The following DLGAP2 variants were observed in gnomAD, a reference collection of about 807,000 sequenced individuals.
The protein encoded by DLGAP2 is DLG associated protein 2.
Under a neutral mutation model 100.3 loss-of-function variants are expected in DLGAP2, and 26 were observed. The observed-to-expected ratio is 0.26, with a 90% CI of 0.19 to 0.36. The LOEUF is 0.36. Among genes scored for constraint, DLGAP2 ranks in the 10% least tolerant of loss-of-function variants. The pLI, the probability that DLGAP2 is intolerant of heterozygous loss-of-function variation, is 1.00. For missense variants in DLGAP2, 1,858 were observed against 1,453.2 expected (o/e 1.28, Z -4.53); for synonymous variants, 886 against 630.1 (o/e 1.41, Z -6.08).
intron 2 of DLGAP2, among the ~76,000 whole-genome samples, chr8:1,082,499 C>G (rs911176260): frequency 1.3e-5 from 2 of 152,288 alleles, no homozygotes; most frequent in Admixed American, 6.5e-5. Context: ...TGATAGCAAA[C>G]TCATGCACAA....
intron 2 of DLGAP2, among the ~76,000 whole-genome samples, chr8:1,222,116 G>A (rs78464296): frequency 0.016 from 2,469 of 152,230 alleles, 79 homozygotes; most frequent in African/African-American, 0.057. Context: ...AAACATTGCC[G>A]GGGAGCTAGA....
intron 1 of DLGAP2, among the ~76,000 whole-genome samples, chr8:886,953 A>G (rs1013572221): frequency 2.0e-5 from 3 of 152,158 alleles, no homozygotes; most frequent in African/African-American, 7.2e-5. Flanking sequence ...GATCTGTCTA[A>G]CACTGACAGT....
intron 5 of DLGAP2, among the ~76,000 whole-genome samples, chr8:1,565,054 C>G (rs371924005): frequency 6.6e-6 from 1 of 152,116 alleles, no homozygotes; most frequent in Non-Finnish European, 1.5e-5. Flanking sequence ...GTGATCAGCT[C>G]TGTACCACCC....
At chr8:1,266,615 T>C (rs1263938980) in intron 3 of DLGAP2, among the ~76,000 whole-genome samples, 1 of 152,168 alleles carries the variant, frequency 6.6e-6, no homozygotes, top group African/African-American at 2.4e-5. Flanking sequence ...TAACCACATA[T>C]GAAATATGCA....
intron 2 of DLGAP2, among the ~76,000 whole-genome samples, chr8:1,136,300 T>TAAA (rs5888821): frequency 4.0e-4 from 61 of 150,952 alleles, no homozygotes; most frequent in East Asian, 9.8e-4. Context: ...TCAAACCTCG[T>TAAA]AAAAAAAAAC....
chr8:985,909 T>C (rs2129015384), intron 2 of DLGAP2, among the ~76,000 whole-genome samples: 1 of 152,172 alleles, frequency 6.6e-6, no homozygotes, highest in Admixed American at 6.5e-5. Context: ...TGAAACCCTC[T>C]TCCTGGGCCT....
chr8:1,147,084 T>G (rs538010345), intron 2 of DLGAP2, among the ~76,000 whole-genome samples: 1 of 152,358 alleles, frequency 6.6e-6, no homozygotes, highest in East Asian at 1.9e-4. Flanking sequence ...TTTGGACATT[T>G]GGCATCCTTA....
At chr8:1,559,321 A>T (rs2956898) in intron 5 of DLGAP2, among the ~76,000 whole-genome samples, 122,142 of 152,176 alleles carry the variant, frequency 0.8, 49,552 homozygotes, top group East Asian at 0.93. Context: ...AGCGTGCACT[A>T]GGCCACCCTG....
intron 1 of DLGAP2, among the ~76,000 whole-genome samples, chr8:814,848 C>T (rs1796434066): frequency 1.6e-5 from 1 of 63,044 alleles, no homozygotes; most frequent in Non-Finnish European, 2.6e-5. Context: ...AAGACTCCGT[C>T]TCAAAAAAAA....
chr8:1,450,697 C>A (rs551785431), intron 3 of DLGAP2, among the ~76,000 whole-genome samples: 1 of 152,106 alleles, frequency 6.6e-6, no homozygotes, highest in East Asian at 1.9e-4. Context: ...GCCTATGTCC[C>A]CAGGGCCTTG....
intron 4 of DLGAP2, among the ~76,000 whole-genome samples, chr8:1,527,652 G>C (rs888286392): frequency 2.0e-5 from 3 of 152,148 alleles, no homozygotes; most frequent in African/African-American, 7.2e-5. Context: ...TATCTATGTG[G>C]GAACGGAACG....
At chr8:1,256,966 C>T (rs1404738670) in intron 2 of DLGAP2, among the ~76,000 whole-genome samples, 1 of 152,058 alleles carries the variant, frequency 6.6e-6, no homozygotes, top group African/African-American at 2.4e-5. Context: ...TCACACAGAG[C>T]AGTGTGGCCC....
At chr8:1,359,340 C>T (rs978788939) in intron 3 of DLGAP2, among the ~76,000 whole-genome samples, 2 of 152,242 alleles carry the variant, frequency 1.3e-5, no homozygotes, top group African/African-American at 2.4e-5. Flanking sequence ...AGAGGCCAGG[C>T]ACTCCGGCGC....
intron 6 of DLGAP2, among the ~76,000 whole-genome samples, chr8:1,593,752 C>T (rs978160643): frequency 6.6e-6 from 1 of 152,178 alleles, no homozygotes; most frequent in South Asian, 2.1e-4. Context: ...CTGGCCCACT[C>T]TGGTTGCCTG....
At chr8:851,661 A>G (rs1019490787) in intron 1 of DLGAP2, among the ~76,000 whole-genome samples, 3 of 152,192 alleles carry the variant, frequency 2.0e-5, no homozygotes, top group African/African-American at 7.2e-5. Flanking sequence ...CAGCTGCCGA[A>G]TTGCTCAGAT....
At chr8:778,807 C>T (rs1344639036) in intron 1 of DLGAP2, among the ~76,000 whole-genome samples, 3 of 152,248 alleles carry the variant, frequency 2.0e-5, no homozygotes, top group South Asian at 4.1e-4. Context: ...TGTTTGTGCC[C>T]TGCCCCCAGA....
At chr8:903,167 G>C (rs1203589930) in intron 1 of DLGAP2, among the ~76,000 whole-genome samples, 1 of 152,022 alleles carries the variant, frequency 6.6e-6, no homozygotes, top group East Asian at 1.9e-4. Context: ...GTTAATGTCA[G>C]GACGTTTTTA....
chr8:1,256,552 G>C (rs1799224338), intron 2 of DLGAP2, among the ~76,000 whole-genome samples: 1 of 147,098 alleles, frequency 6.8e-6, no homozygotes, highest in South Asian at 2.2e-4. Context: ...CGCTGTGTGT[G>C]TGTCCTTTCC....
At chr8:1,103,369 G>A (rs919621003) in intron 2 of DLGAP2, among the ~76,000 whole-genome samples, 18 of 151,252 alleles carry the variant, frequency 1.2e-4, no homozygotes, top group East Asian at 8.0e-4. Flanking sequence ...GATGACTGAC[G>A]GGGACTTGGT....
Sources: gnomAD v4.1 joint callset for allele counts (sites outside exome capture counted in the v4.1 genomes callset) on GRCh38, gnomAD v4.1.1 for gene constraint, MANE v1.5 for transcripts, NCBI Gene and HGNC (gene_info 2026-07-23, HGNC 2026-07-21) for gene names.